The following ANKS1A variants were observed in gnomAD, a reference collection of about 807,000 sequenced individuals.
ANKS1A encodes ankyrin repeat and sterile alpha motif domain containing 1A.
ANKS1A carries 55 observed loss-of-function variants against 120.3 expected under a neutral mutation model. That is an observed-to-expected ratio of 0.46 (90% confidence interval 0.37 to 0.57). The LOEUF (loss-of-function observed/expected upper bound fraction) is 0.57, where lower values mean the gene tolerates loss of function less well. Ranked by LOEUF, ANKS1A falls within the 20% of genes least tolerant of loss-of-function variation. ANKS1A has a pLI of 0.00. For synonymous variants in ANKS1A, 590 were observed against 604.7 expected, an observed-to-expected ratio of 0.98 and a Z score of 0.36; for missense variants, 1,123 against 1,480.3, an observed-to-expected ratio of 0.76 and a Z score of 3.96.
Position 35,035,920 on chromosome 6 carries a change from GC to G in ANKS1A, c.2010+17863del, listed in dbSNP as rs578102982. On this transcript the variant is annotated intron_variant, in intron 11 of 23. Coordinates refer to ENST00000360359, the MANE Select transcript of ANKS1A (RefSeq NM_015245.3). Reference sequence around the variant, plus strand: ...GTGGCTGCCCCACCTCTCTCCGCTTGCCTCCTGCTTTACATTCAGAGCAGGA... The same window carrying G: ...GTGGCTGCCCCACCTCTCTCCGCTTGCTCCTGCTTTACATTCAGAGCAGGA... Among the ~76,000 whole-genome samples, 462 of 152,260 alleles carry G rather than the reference GC, an allele frequency of 3.0e-3. 2 individuals carry two copies. The highest frequency in any genetic ancestry group is 9.8e-3 in the African/African-American group (407 of 41,534).
intron 1 of ANKS1A, among the ~76,000 whole-genome samples, chr6:34,909,085 A>G (rs182645983): frequency 1.3e-5 from 2 of 152,262 alleles, no homozygotes; most frequent in Admixed American, 6.5e-5. Context: ...CTAGCCAAAA[A>G]TGCCGTCCTT....
At chr6:35,032,237 C>T (rs1372314938) in intron 11 of ANKS1A, among the ~76,000 whole-genome samples, 2 of 152,206 alleles carry the variant, frequency 1.3e-5, no homozygotes, top group Non-Finnish European at 2.9e-5. Context: ...TGAGGCCTCT[C>T]TGCAGTCAGG....
intron 1 of ANKS1A, among the ~76,000 whole-genome samples, chr6:34,904,437 A>T (rs985701256): frequency 3.5e-4 from 52 of 150,448 alleles, no homozygotes; most frequent in Non-Finnish European, 5.9e-4. Flanking sequence ...TCCTATAATT[A>T]AAAAAAAAAT....
chr6:34,901,241 C>T (rs1454492483), intron 1 of ANKS1A, among the ~76,000 whole-genome samples: 2 of 149,690 alleles, frequency 1.3e-5, no homozygotes, highest in Non-Finnish European at 3.0e-5. Context: ...TTAAACAATT[C>T]GCTCCCTCAT....
At chr6:35,051,291 C>T (rs1775949390) in intron 11 of ANKS1A, among the ~76,000 whole-genome samples, 5 of 152,174 alleles carry the variant, frequency 3.3e-5, no homozygotes, top group South Asian at 2.1e-4. Context: ...AAGAGCAGAG[C>T]GGAGAAGCAG....
chr6:34,931,953 C>A (rs1769005686), intron 1 of ANKS1A, among the ~76,000 whole-genome samples: 1 of 152,202 alleles, frequency 6.6e-6, no homozygotes, highest in Non-Finnish European at 1.5e-5. Flanking sequence ...AGATACAAAT[C>A]TGTATCTTAA....
At chr6:34,960,059 CTG>C (rs1052324954) in intron 1 of ANKS1A, among the ~76,000 whole-genome samples, 39 of 152,274 alleles carry the variant, frequency 2.6e-4, no homozygotes, top group African/African-American at 9.1e-4. Context: ...TCTGGCATCT[CTG>C]TGGGCGGAGC....
Position 35,089,247 on chromosome 6 carries a change from G to A in ANKS1A, c.*638G>A. 2.0e-6 allele frequency: 2 copies of A among 988,362 alleles called. No homozygotes were observed. The highest frequency in any genetic ancestry group is 2.4e-6 in the Non-Finnish European group (2 of 831,614). The allele number at this position is 988,362 out of a possible 1,614,324, so 61.2% of individuals were successfully genotyped here. On this transcript the variant is annotated 3_prime_UTR_variant, in exon 24 of 24. Transcript: ENST00000360359. ...TAAGAACACAGCCTTAGAGGCACCTGAGCAACTCAAAGGTTTCCGGTCCAT... is the reference window on the plus strand; with the variant it reads ...TAAGAACACAGCCTTAGAGGCACCTAAGCAACTCAAAGGTTTCCGGTCCAT...
rs1221607073 is a variant in ANKS1A, at chr6:34,945,918, C to T, written c.198-21321C>T. ...ATCTGTAGTGATGGCTTCTCTTTTT[C>T]TTTTTGATATTAGTAATTTGTGTCT... On this transcript the variant is annotated intron_variant, in intron 1 of 23. Coordinates refer to ENST00000360359, the MANE Select transcript of ANKS1A (RefSeq NM_015245.3). Among the ~76,000 whole-genome samples, 5 of 151,258 alleles carry T rather than the reference C, an allele frequency of 3.3e-5. No individual in the cohort carries two copies. The East Asian group carries it at 9.7e-4, about 29-fold the overall frequency.
At chr6:35,065,315 C>T (rs1418736012) in intron 13 of ANKS1A, among the ~76,000 whole-genome samples, 4 of 152,322 alleles carry the variant, frequency 2.6e-5, no homozygotes, top group East Asian at 1.9e-4. Context: ...CTGGCCTTCT[C>T]CAGTCCCCTT....
intron 11 of ANKS1A, among the ~76,000 whole-genome samples, chr6:35,028,913 G>C (rs1774761224): frequency 6.6e-6 from 1 of 152,178 alleles, no homozygotes; most frequent in Non-Finnish European, 1.5e-5. Context: ...GTCATTGTAA[G>C]ATGTTTCTAG....
chr6:35,047,155 T>C (rs1775757918), intron 11 of ANKS1A, among the ~76,000 whole-genome samples: 1 of 152,234 alleles, frequency 6.6e-6, no homozygotes, highest in Admixed American at 6.5e-5. Flanking sequence ...TCAAGGCAGC[T>C]GATGGATCCT....
At chr6:35,048,755 C>T (rs556931774) in intron 11 of ANKS1A, among the ~76,000 whole-genome samples, 1 of 152,266 alleles carries the variant, frequency 6.6e-6, no homozygotes, top group East Asian at 1.9e-4. Flanking sequence ...TGTCAGCAGT[C>T]TTTAGGGTTC....
Position 34,889,505 on chromosome 6 carries a change from G to A in ANKS1A, c.103G>A (p.Gly35Ser). The change falls in exon 1 of 24, where the codon GGC becomes AGC. Residue 35 changes from glycine (G) to serine (S), a missense_variant. Physicochemically the swap from Gly to Ser is moderately conservative, Grantham distance 56 (BLOSUM62 0). Coordinates refer to ENST00000360359, the MANE Select transcript of ANKS1A (RefSeq NM_015245.3). The surrounding 1 kb of genome is among the most constrained non-coding windows in gnomAD (Gnocchi z 5.5). ...GKRLSSGFGGGGGGGSGGGGG... is the reference protein window; with the variant it reads ...GKRLSSGFGGSGGGGSGGGGG... The stretch of plus-strand genomic sequence containing the variant: ...GCGGCTCTCCTCAGGCTTTGGGGGC[G>A]GCGGCGGCGGTGGCTCTGGGGGCGG... The A allele has an allele frequency of 7.8e-7, 1 of 1,275,746 alleles. No individual in the cohort carries two copies. The highest frequency in any genetic ancestry group is 9.8e-7 in the Non-Finnish European group (1 of 1,020,216). The allele number at this position is 1,275,746 out of a possible 1,614,324, so 79.0% of individuals were successfully genotyped here.
At chr6:35,081,406 C>T (rs1229035026) in intron 17 of ANKS1A, among the ~76,000 whole-genome samples, 1 of 152,154 alleles carries the variant, frequency 6.6e-6, no homozygotes, top group Admixed American at 6.5e-5. Flanking sequence ...CTCCTGTGTC[C>T]TGTACTTCCC....
intron 9 of ANKS1A, among the ~76,000 whole-genome samples, chr6:34,991,026 CTGTCTTTCCT>C (rs1301976383): frequency 6.6e-6 from 1 of 152,122 alleles, no homozygotes; most frequent in Non-Finnish European, 1.5e-5. Flanking sequence ...TTGTCTTTCC[CTGTCTTTCCT>C]TATACTGTTA....
chr6:35,009,378 A>G (rs1773623541), intron 10 of ANKS1A, among the ~76,000 whole-genome samples: 1 of 152,196 alleles, frequency 6.6e-6, no homozygotes, highest in African/African-American at 2.4e-5. Flanking sequence ...AGCTTGGTTA[A>G]TTGAGAAAAT....
chr6:34,991,683 CATATATACACAT>C (rs1561896823), intron 9 of ANKS1A, among the ~76,000 whole-genome samples: 3 of 28,606 alleles, frequency 1.0e-4, no homozygotes, highest in East Asian at 1.8e-3. Flanking sequence ...CATATATATA[CATATATACACAT>C]ATATATACAT....
At chr6:34,948,490 C>T (rs1298365294) in intron 1 of ANKS1A, among the ~76,000 whole-genome samples, 1 of 152,258 alleles carries the variant, frequency 6.6e-6, no homozygotes, top group African/African-American at 2.4e-5. Flanking sequence ...CATATCCTGG[C>T]TCTCTTGATT....
Sources: allele counts gnomAD v4.1 joint callset (sites outside exome capture counted in the v4.1 genomes callset), GRCh38; gene constraint gnomAD v4.1.1; non-coding constraint Gnocchi (gnomAD v3.1); transcripts MANE v1.5; gene names NCBI Gene and HGNC (gene_info 2026-07-23, HGNC 2026-07-21).